PRKN: variants seen among roughly 807,000 people sequenced by gnomAD.
PRKN encodes the protein E3 ubiquitin-protein ligase parkin.
PRKN carries 56 observed loss-of-function variants against 59.5 expected under a neutral mutation model. The ratio of observed to expected loss-of-function variants is 0.94; its 90% CI spans 0.76 to 1.18. PRKN has a LOEUF of 1.18. Among genes scored for constraint, PRKN ranks in the 50% most tolerant of loss-of-function variants. PRKN has a pLI of 0.00. For synonymous variants in PRKN, 250 were observed against 222.1 expected (o/e 1.13, Z -1.12); for missense variants, 657 against 596.4 (o/e 1.10, Z -1.06).
chr6:161,553,153 C>G (rs1780104909), intron 8 of PRKN, among the ~76,000 whole-genome samples: 1 of 152,156 alleles, frequency 6.6e-6, no homozygotes, highest in Non-Finnish European at 1.5e-5. Context: ...GTCCATCACC[C>G]TCCATTGTCT....
At position 162,351,577 on chromosome 6, in the gene PRKN, C is replaced by CA. The variant is rs1019990535; in HGVS notation, c.172-88813dup. On this transcript the variant is annotated intron_variant, in intron 2 of 11. Transcript: ENST00000366898. Reference sequence around the variant, plus strand: ...CGCAGGGAAGTATTTGCACAAGAGGCAAAAAAAAGCACATGACTACACAAA... The same window carrying CA: ...CGCAGGGAAGTATTTGCACAAGAGGCAAAAAAAAAGCACATGACTACACAAA... 7.9e-5 allele frequency among the ~76,000 whole-genome samples: 12 copies of CA among 151,308 alleles called. No individual in the cohort carries two copies. The East Asian group carries it at 1.2e-3, about 15-fold the overall frequency.
Position 161,471,555 on chromosome 6 carries a change from A to G in PRKN, c.1083+77299T>C, listed in dbSNP as rs912841784. Among the ~76,000 whole-genome samples, 6 of 152,202 alleles carry G rather than the reference A, an allele frequency of 3.9e-5. No individual in the cohort carries two copies. Among genetic ancestry groups the G allele is most frequent in the South Asian group, 2.1e-4 (1 of 4,832 alleles). ...ATGTATCCTCTTAGGCACTTTCATT[A>G]ACAACTTGAAAATAGACCTTGACAG... On this transcript the variant is annotated intron_variant, in intron 9 of 11. Transcript: ENST00000366898. The surrounding 1 kb of genome is among the most constrained non-coding windows in gnomAD (Gnocchi z 4.5).
intron 3 of PRKN, among the ~76,000 whole-genome samples, chr6:162,238,291 T>C (rs1160834247): frequency 6.6e-6 from 1 of 152,154 alleles, no homozygotes; most frequent in Non-Finnish European, 1.5e-5. Context: ...CATGGGTTTG[T>C]TGTCTAGGGG....
At chr6:161,406,528 T>C (rs944852005) in intron 9 of PRKN, among the ~76,000 whole-genome samples, 1 of 152,178 alleles carries the variant, frequency 6.6e-6, no homozygotes, top group Non-Finnish European at 1.5e-5. Flanking sequence ...CCCTAAGTTC[T>C]GCTTTATAAT....
chr6:162,277,192 G>A (rs1026102492), intron 2 of PRKN, among the ~76,000 whole-genome samples: 11 of 152,092 alleles, frequency 7.2e-5, no homozygotes, highest in Non-Finnish European at 1.3e-4. Flanking sequence ...GGTGGGAATC[G>A]GGATTTTGGC....
intron 1 of PRKN, among the ~76,000 whole-genome samples, chr6:162,591,621 GCTTT>G (rs1256804904): frequency 6.6e-6 from 1 of 151,986 alleles, no homozygotes; most frequent in Admixed American, 6.6e-5. Context: ...TAATATATAA[GCTTT>G]TTTTTCCACA....
chr6:162,437,070 C>T (rs1051251692), intron 2 of PRKN, among the ~76,000 whole-genome samples: 5 of 149,200 alleles, frequency 3.4e-5, no homozygotes, highest in South Asian at 2.1e-4. Flanking sequence ...CCAGCCTGGG[C>T]GACAGAGCGA....
intron 9 of PRKN, among the ~76,000 whole-genome samples, chr6:161,493,683 AC>A (rs1777641112): frequency 6.6e-6 from 1 of 152,362 alleles, no homozygotes; most frequent in East Asian, 1.9e-4. Context: ...CACCTCAGTC[AC>A]TGCTCTTCTT....
At chr6:161,914,453 G>T (rs1455975278) in intron 6 of PRKN, among the ~76,000 whole-genome samples, 3 of 152,076 alleles carry the variant, frequency 2.0e-5, no homozygotes, top group Non-Finnish European at 1.5e-5. Context: ...GGGAGTATTA[G>T]AATGGCCAAC....
chr6:161,445,550 G>A lies in PRKN; in HGVS notation c.1084-58673C>T, dbSNP rs953112173. ...TTCCTGGACTTCAAGGCATCGAAGT[G>A]TCAGCTGGCTGCCATCCCAGCGTCT... On this transcript the variant is annotated intron_variant, in intron 9 of 11. Coordinates refer to ENST00000366898, the MANE Select transcript of PRKN (RefSeq NM_004562.3). This position sits in a 1 kb window ranked among gnomAD's most constrained non-coding sequence, Gnocchi z 7.7. Among the ~76,000 whole-genome samples the A allele has an allele frequency of 8.5e-5, 13 of 152,224 alleles. No individual in the cohort carries two copies. The highest frequency in any genetic ancestry group is 2.9e-4 in the African/African-American group (12 of 41,456).
chr6:162,107,421 C>T (rs1199275869), intron 4 of PRKN, among the ~76,000 whole-genome samples: 1 of 152,206 alleles, frequency 6.6e-6, no homozygotes, highest in Non-Finnish European at 1.5e-5. Context: ...GCCGAGATCG[C>T]ACCTCTGTAC....
chr6:162,228,761 A>T (rs1778295681), intron 3 of PRKN, among the ~76,000 whole-genome samples: 1 of 152,182 alleles, frequency 6.6e-6, no homozygotes, highest in African/African-American at 2.4e-5. Context: ...TGCACTTTAC[A>T]TATTGGTTTA....
chr6:162,022,942 A>C (rs1022145982), intron 5 of PRKN, among the ~76,000 whole-genome samples: 1 of 152,072 alleles, frequency 6.6e-6, no homozygotes, highest in African/African-American at 2.4e-5. Flanking sequence ...ATTTTTATCA[A>C]CTTACCAAAG....
At chr6:162,553,074 CAAG>C (rs1415457820) in intron 1 of PRKN, among the ~76,000 whole-genome samples, 2 of 151,912 alleles carry the variant, frequency 1.3e-5, no homozygotes, top group Admixed American at 6.6e-5. Flanking sequence ...GAAAATGGGG[CAAG>C]AAGTGAAGTG....
intron 6 of PRKN, among the ~76,000 whole-genome samples, chr6:161,929,598 A>C (rs935026663): frequency 7.9e-6 from 1 of 126,450 alleles, no homozygotes; most frequent in South Asian, 2.3e-4. Context: ...ATCTCAGCTT[A>C]CTGCAACCTC....
intron 9 of PRKN, among the ~76,000 whole-genome samples, chr6:161,415,638 C>G (rs1031611765): frequency 2.3e-5 from 3 of 133,170 alleles, no homozygotes; most frequent in Non-Finnish European, 4.8e-5. Context: ...CCGCCCGGAA[C>G]TAAGCCACAG....
chr6:161,852,910 G>T (rs1421200312), intron 6 of PRKN, among the ~76,000 whole-genome samples: 1 of 152,106 alleles, frequency 6.6e-6, no homozygotes, highest in African/African-American at 2.4e-5. Flanking sequence ...GAAACCAGAG[G>T]GAGGCCAGAG....
In PRKN at chr6:162,022,454, T is replaced by A. The variant is rs1582910320; in HGVS notation, c.618+31637A>T. Among the ~76,000 whole-genome samples, 3 of 152,220 alleles carry A rather than the reference T, an allele frequency of 2.0e-5. No individual in the cohort carries two copies. The South Asian group carries it at 6.2e-4, about 31-fold the overall frequency. On this transcript the variant is annotated intron_variant, in intron 5 of 11. Transcript: ENST00000366898. ...AGATGTTGAACATTTTTAAATATGT[T>A]TGTTGGCTGCCTATATGTCTTCTTT...
chr6:161,369,632 G>A lies in PRKN; in HGVS notation c.1168-9427C>T, dbSNP rs1388160623. ...TTCTGTGCCTGTCTACTGCTCACCC[G>A]TGGCAGGAGGAATTGCATGCATGCA... On this transcript the variant is annotated intron_variant, in intron 10 of 11. Transcript: ENST00000366898. The surrounding 1 kb of genome is among the most constrained non-coding windows in gnomAD (Gnocchi z 5.8). Among the ~76,000 whole-genome samples, 3 of 152,074 alleles carry A rather than the reference G, an allele frequency of 2.0e-5. No homozygotes were observed. The highest frequency in any genetic ancestry group is 2.1e-4 in the South Asian group (1 of 4,818).
Sources: allele counts gnomAD v4.1 joint callset (sites outside exome capture counted in the v4.1 genomes callset), GRCh38; gene constraint gnomAD v4.1.1; non-coding constraint Gnocchi (gnomAD v3.1); transcripts MANE v1.5; gene names NCBI Gene and HGNC (gene_info 2026-07-23, HGNC 2026-07-21).